B3GNT2: variants seen among roughly 807,000 people sequenced by gnomAD.
B3GNT2 encodes N-acetyllactosaminide beta-1,3-N-acetylglucosaminyltransferase 2.
Under a neutral mutation model 27.6 loss-of-function variants are expected in B3GNT2, and 12 were observed. The observed-to-expected ratio is 0.44, with a 90% CI of 0.28 to 0.71. The LOEUF (loss-of-function observed/expected upper bound fraction) is 0.71, where lower values mean the gene tolerates loss of function less well. Ranked by LOEUF, B3GNT2 falls within the 30% of genes least tolerant of loss-of-function variation. The pLI, the probability that B3GNT2 is intolerant of heterozygous loss-of-function variation, is 0.17. For missense variants in B3GNT2, 413 were observed against 488.5 expected (o/e 0.85, Z 1.46); for synonymous variants, 192 against 189.7 (o/e 1.01, Z -0.10).
rs1332437136 is a variant in B3GNT2 at position 62,223,162 on chromosome 2, C to T, written c.942C>T (p.His314=). 3.1e-6 allele frequency: 5 copies of T among 1,614,100 alleles called. No homozygotes were observed. Among genetic ancestry groups the T allele is most frequent in the African/African-American group, 1.3e-5 (1 of 74,936 alleles). Residue 314 remains histidine (H), a synonymous_variant, in exon 2 of 2, where the codon CAC becomes CAT. Coordinates refer to ENST00000301998, the MANE Select transcript of B3GNT2 (RefSeq NM_006577.6). ...GAGGGGGGTTCCTCTACTCCGGCCA[C>T]CTGGCCCTGAGGCTGTACCATATCA... ...AGGGGFLYSG[H]LALRLYHITD...
intron 1 of B3GNT2, among the ~76,000 whole-genome samples, chr2:62,209,730 A>G (rs1674444772): frequency 6.6e-6 from 1 of 152,164 alleles, no homozygotes; most frequent in Non-Finnish European, 1.5e-5. Context: ...GGTCTGGACC[A>G]GCCCTGTGCC....
chr2:62,201,920 G>C (rs571370825), intron 1 of B3GNT2, among the ~76,000 whole-genome samples: 1 of 152,330 alleles, frequency 6.6e-6, no homozygotes, highest in African/African-American at 2.4e-5. Flanking sequence ...GTAGGCCTAA[G>C]TTCAAATCTG....
At chr2:62,204,748 C>T (rs1023599303) in intron 1 of B3GNT2, among the ~76,000 whole-genome samples, 1 of 152,132 alleles carries the variant, frequency 6.6e-6, no homozygotes, top group African/African-American at 2.4e-5. Context: ...CTATTTTTAA[C>T]TGAATGTTTC....
chr2:62,202,343 A>G (rs193255774), intron 1 of B3GNT2, among the ~76,000 whole-genome samples: 2 of 152,362 alleles, frequency 1.3e-5, no homozygotes, highest in Admixed American at 1.3e-4. Context: ...AAAGGAAGGT[A>G]GAAGTGCTCA....
rs1674766147 is a variant in B3GNT2, at chr2:62,223,573, G to A, written c.*159G>A. 2 of 627,212 alleles carry A rather than the reference G, an allele frequency of 3.2e-6. No homozygotes were observed. Among genetic ancestry groups the A allele is most frequent in the Non-Finnish European group, 2.8e-6 (1 of 363,012 alleles). The allele number at this position is 627,212 out of a possible 1,614,324, so 38.9% of individuals were successfully genotyped here. On this transcript the variant is annotated 3_prime_UTR_variant, in exon 2 of 2. Coordinates refer to ENST00000301998, the MANE Select transcript of B3GNT2 (RefSeq NM_006577.6). The stretch of plus-strand genomic sequence containing the variant: ...AAACCCTTCAATTTGGTACTCACGT[G>A]AAGAGGGAAAGCGGAAGATGGTAAT...
At chr2:62,201,328 G>A (rs1402608673) in intron 1 of B3GNT2, among the ~76,000 whole-genome samples, 1 of 152,244 alleles carries the variant, frequency 6.6e-6, no homozygotes, top group Admixed American at 6.5e-5. Context: ...TGTGTAACAT[G>A]AGCTAGGATG....
At chr2:62,208,276 T>C (rs1415064232) in intron 1 of B3GNT2, among the ~76,000 whole-genome samples, 1 of 142,390 alleles carries the variant, frequency 7.0e-6, no homozygotes, top group East Asian at 2.2e-4. Context: ...ACTGGGCTGA[T>C]GGCCTACTTA....
At chr2:62,209,505 G>C (rs528973054) in intron 1 of B3GNT2, among the ~76,000 whole-genome samples, 1 of 152,176 alleles carries the variant, frequency 6.6e-6, no homozygotes, top group Non-Finnish European at 1.5e-5. Flanking sequence ...TAAGCCAGGC[G>C]TGGTGGCACA....
At chr2:62,216,412 G>GT (rs200883564) in intron 1 of B3GNT2, among the ~76,000 whole-genome samples, 12 of 91,642 alleles carry the variant, frequency 1.3e-4, no homozygotes, top group South Asian at 6.6e-4. Context: ...CTTTTTTTTT[G>GT]TTTTTTTTAA....
chr2:62,222,936 A>T lies in B3GNT2; in HGVS notation c.716A>T (p.Glu239Val). 1 of 1,614,212 alleles carries T rather than the reference A, an allele frequency of 6.2e-7. No homozygotes were observed. The highest frequency in any genetic ancestry group is 2.2e-5 in the East Asian group (1 of 44,888). ...GTAAGTACTTCCTGCCCAGACACTG[A>T]GTTTGTTTTCAAGGGCGATGACGAT... ...RWVSTSCPDT[E>V]FVFKGDDDVF... Residue 239 changes from glutamate to valine, a missense_variant, in exon 2 of 2, where the codon GAG becomes GTG. Glu to Val is a moderately radical substitution (Grantham distance 121). Transcript: ENST00000301998. This position sits in a 1 kb window ranked among gnomAD's most constrained non-coding sequence, Gnocchi z 4.2.
At chr2:62,213,600 A>G (rs991271788) in intron 1 of B3GNT2, among the ~76,000 whole-genome samples, 1 of 152,262 alleles carries the variant, frequency 6.6e-6, no homozygotes, top group East Asian at 1.9e-4. Context: ...ACTGTGGGAA[A>G]TGAGGGGGCG....
rs749920688 is a variant in B3GNT2, at chr2:62,222,774, C to A, written c.554C>A (p.Thr185Lys). 4.3e-6 allele frequency: 7 copies of A among 1,614,092 alleles called. No homozygotes were observed. Among genetic ancestry groups the A allele is most frequent in the Non-Finnish European group, 5.1e-6 (6 of 1,180,046 alleles). ...GTGCGAGTCTTCCTGCTGGGCCAGA[C>A]ACCCCCAGAGGACAACCACCCCGAC... ...TVVRVFLLGQ[T>K]PPEDNHPDLS... The change falls in exon 2 of 2, where the codon ACA becomes AAA. Residue 185 changes from threonine (T) to lysine (K), a missense_variant. Coordinates refer to ENST00000301998, the MANE Select transcript of B3GNT2 (RefSeq NM_006577.6). This position sits in a 1 kb window ranked among gnomAD's most constrained non-coding sequence, Gnocchi z 4.2.
chr2:62,208,300 T>C (rs1229501796), intron 1 of B3GNT2, among the ~76,000 whole-genome samples: 3 of 149,956 alleles, frequency 2.0e-5, no homozygotes, highest in Non-Finnish European at 4.4e-5. Flanking sequence ...CCAGAAGCAC[T>C]TGTACAAGGT....
intron 1 of B3GNT2, among the ~76,000 whole-genome samples, chr2:62,202,066 G>T (rs1674275887): frequency 6.6e-6 from 1 of 152,202 alleles, no homozygotes; most frequent in Admixed American, 6.5e-5. Flanking sequence ...TCTCCATTAA[G>T]ACCTCAAGAT....
intron 1 of B3GNT2, among the ~76,000 whole-genome samples, chr2:62,208,605 C>T (rs1277037102): frequency 6.6e-6 from 1 of 152,134 alleles, no homozygotes; most frequent in East Asian, 1.9e-4. Flanking sequence ...CCAGGACTGG[C>T]ACAGAGCCAG....
At chr2:62,196,887 A>T (rs929063413) in intron 1 of B3GNT2, among the ~76,000 whole-genome samples, 3 of 151,596 alleles carry the variant, frequency 2.0e-5, no homozygotes, top group Non-Finnish European at 2.9e-5. Context: ...CCCGTGCCGC[A>T]TGGGGAGATC....
At position 62,222,173 on chromosome 2, in the gene B3GNT2, G is replaced by T; in HGVS notation, c.-9-39G>T. On this transcript the variant is annotated intron_variant, in intron 1 of 1. Coordinates refer to ENST00000301998, the MANE Select transcript of B3GNT2 (RefSeq NM_006577.6). The surrounding 1 kb of genome is among the most constrained non-coding windows in gnomAD (Gnocchi z 4.2). The stretch of plus-strand genomic sequence containing the variant: ...TAAATTGTATGTGCAAATGCAAATT[G>T]ATAAGTAATTGATACAATACTCCAC... The T allele has an allele frequency of 1.0e-5, 15 of 1,501,610 alleles. No individual in the cohort carries two copies. The highest frequency in any genetic ancestry group is 1.4e-5 in the African/African-American group (1 of 71,502). The allele number at this position is 1,501,610 out of a possible 1,614,324, so 93.0% of individuals were successfully genotyped here.
chr2:62,215,730 T>C (rs74951841), intron 1 of B3GNT2: 373 of 152,352 alleles, frequency 2.4e-3, no homozygotes, highest in Non-Finnish European at 4.6e-3. Context: ...GGGCTCTTTC[T>C]GAGGATTTGT....
At position 62,222,567 on chromosome 2, in the gene B3GNT2, T is replaced by G. The variant is rs966314133; in HGVS notation, c.347T>G (p.Phe116Cys). Residue 116 changes from phenylalanine (F) to cysteine (C), a missense_variant, in exon 2 of 2, where the codon TTT (phenylalanine) becomes TGT (cysteine). Phe to Cys is a radical substitution (Grantham distance 205). Coordinates refer to ENST00000301998, the MANE Select transcript of B3GNT2 (RefSeq NM_006577.6). This position sits in a 1 kb window ranked among gnomAD's most constrained non-coding sequence, Gnocchi z 4.2. ...VTGFNNLPDR[F>C]KDFLLYLRCR... ...GGTTTTAACAACTTGCCGGACAGAT[T>G]TAAAGACTTTCTGCTGTATTTGAGA... The G allele has an allele frequency of 1.9e-6, 3 of 1,614,090 alleles. No individual in the cohort carries two copies. The highest frequency in any genetic ancestry group is 1.7e-5 in the Admixed American group (1 of 60,008).
Sources: gnomAD v4.1 joint callset for allele counts (sites outside exome capture counted in the v4.1 genomes callset) on GRCh38, gnomAD v4.1.1 for gene constraint, Gnocchi (gnomAD v3.1) non-coding constraint, MANE v1.5 for transcripts, NCBI Gene and HGNC (gene_info 2026-07-23, HGNC 2026-07-21) for gene names.